The following APOD variants were observed in gnomAD, a reference collection of about 807,000 sequenced individuals.
APOD encodes the protein apolipoprotein D.
Under a neutral mutation model 20.4 loss-of-function variants are expected in APOD, and 22 were observed. That is an observed-to-expected ratio of 1.08 (90% confidence interval 0.77 to 1.54). The LOEUF is 1.54. APOD is among the 40% of genes most tolerant of loss of function. The pLI is 0.00. For synonymous variants in APOD, 97 were observed against 92.4 expected, an observed-to-expected ratio of 1.05 and a Z score of -0.29; for missense variants, 223 against 229.6, an observed-to-expected ratio of 0.97 and a Z score of 0.19.
Position 195,573,968 on chromosome 3 carries a change from G to A in APOD, c.127C>T (p.Leu43Phe). 1 of 1,614,030 alleles carries A rather than the reference G, an allele frequency of 6.2e-7. No homozygotes were observed. The highest frequency in any genetic ancestry group is 8.5e-7 in the Non-Finnish European group (1 of 1,179,942). Residue 43 changes from leucine (L) to phenylalanine (F), a missense_variant, in exon 3 of 5, where the codon CTC (leucine) becomes TTC (phenylalanine). Leu to Phe is a conservative substitution (Grantham distance 22, BLOSUM62 0). Coordinates refer to ENST00000343267, the MANE Select transcript of APOD (RefSeq NM_001647.4). ...TTCTCAATTTCGTACCATCTTCCGA[G>A]ATACTGCAGAGACAACAAGCAGAGC... The part of the protein sequence containing the change: ...VQENFDVNKY[L>F]GRWYEIEKIP...
Position 195,574,431 on chromosome 3 carries a change from G to T in APOD, c.124-460C>A, listed in dbSNP as rs116035391. Among the ~76,000 whole-genome samples the T allele has an allele frequency of 4.8e-3, 738 of 152,230 alleles. 8 individuals are homozygous for T. Among genetic ancestry groups the T allele is most frequent in the African/African-American group, 0.017 (707 of 41,538 alleles). On this transcript the variant is annotated intron_variant, in intron 2 of 4. Coordinates refer to ENST00000343267, the MANE Select transcript of APOD (RefSeq NM_001647.4). ...TGGAGAGGTGGTGGGGATTTGAAAG[G>T]TCTGTATCATGCTTTCTCTAGGGGC... is the stretch of plus-strand genomic sequence containing the variant.
intron 4 of APOD, 107 bp downstream of exon 4, chr3:195,571,170 A>G (rs1306190486): frequency 1.1e-5 from 10 of 931,504 alleles, no homozygotes; most frequent in Admixed American, 1.7e-5. Context: ...GTGCTGAGTG[A>G]TTATAGATGA....
chr3:195,572,779 AG>A (rs5855632), intron 3 of APOD, among the ~76,000 whole-genome samples: 1 of 151,938 alleles, frequency 6.6e-6, no homozygotes, highest in African/African-American at 2.4e-5. Flanking sequence ...TGGGAGGCCA[AG>A]GGGGGGCGGA....
rs532947188 is a variant in APOD, at chr3:195,568,909, C to T, written c.561G>A (p.Lys187=). The T allele has an allele frequency of 1.4e-4, 229 of 1,613,388 alleles. No individual in the cohort carries two copies. In the East Asian group the frequency reaches 5.0e-3, roughly 35 times the overall value. Residue 187 remains lysine, a synonymous_variant, in exon 5 of 5, where the codon AAG becomes AAA. Transcript: ENST00000343267. ...TCCCTGTAGAACCTGGTTACGAGAG[C>T]TTGGGGCAGTTCACCTGGTCTGTGA... is the stretch of plus-strand genomic sequence containing the variant. The part of the protein sequence containing the change: ...MTVTDQVNCP[K]LS
chr3:195,581,625 C>T (rs552669109), intron 1 of APOD, among the ~76,000 whole-genome samples: 2 of 152,308 alleles, frequency 1.3e-5, no homozygotes, highest in East Asian at 3.9e-4. Flanking sequence ...CCTCTCCTGT[C>T]TGCAGCACCC....
At position 195,576,955 on chromosome 3, in the gene APOD, C is replaced by T. The variant is rs547959866; in HGVS notation, c.123+2384G>A. 59 of 168,874 alleles carry T rather than the reference C, an allele frequency of 3.5e-4. 1 individual carries two copies. The highest frequency in any genetic ancestry group is 1.6e-3 in the Admixed American group (26 of 16,290). The allele number at this position is 168,874 out of a possible 1,614,324, so 10.5% of individuals were successfully genotyped here. ...ATCCTAGCACTATGGGAGGCCGAGG[C>T]GGATGGATTGCCTGAGCTCAGGAGT... On this transcript the variant is annotated intron_variant, in intron 2 of 4. Transcript: ENST00000343267.
In APOD at chr3:195,568,830, A is replaced by ATCGG; in HGVS notation, c.*69_*70insCCGA. On this transcript the variant is annotated 3_prime_UTR_variant, in exon 5 of 5. Transcript: ENST00000343267. ...TGTCGTGGTTGATTGGTTTGTCTTT[A>ATCGG]TGGGGGGGGGGTAGGGGAAAGCGAA... 1 of 862,532 alleles carries ATCGG rather than the reference A, an allele frequency of 1.2e-6. No individual in the cohort carries two copies. Among genetic ancestry groups the ATCGG allele is most frequent in the African/African-American group, 4.5e-5 (1 of 22,112 alleles). 53.4% of individuals were successfully genotyped at this position (862,532 alleles called of 1,614,324 possible).
intron 1 of APOD, among the ~76,000 whole-genome samples, chr3:195,579,750 T>A (rs992037511): frequency 5.9e-5 from 9 of 152,082 alleles, no homozygotes; most frequent in African/African-American, 2.2e-4. Flanking sequence ...TTTTCACCCC[T>A]GTCCCACCTA....
At chr3:195,573,710 G>A (rs575570961) in intron 3 of APOD, 140 bp downstream of exon 3, 58 of 1,132,724 alleles carry the variant, frequency 5.1e-5, no homozygotes, top group African/African-American at 3.1e-4. Context: ...CCTGCCAAAC[G>A]CTTTCCTCTC....
At chr3:195,569,521 C>T (rs182762003) in intron 4 of APOD, among the ~76,000 whole-genome samples, 12 of 152,294 alleles carry the variant, frequency 7.9e-5, no homozygotes, top group East Asian at 3.9e-4. Flanking sequence ...CTGCCAGCAG[C>T]GGCATCATGG....
chr3:195,573,042 G>A (rs750288422), intron 3 of APOD, among the ~76,000 whole-genome samples: 18 of 152,162 alleles, frequency 1.2e-4, no homozygotes, highest in Non-Finnish European at 2.2e-4. Flanking sequence ...CTGGATCTCA[G>A]ACAGCTGGGG....
At chr3:195,583,847 T>C (rs901188100) in intron 1 of APOD, 31 bp downstream of exon 1, 7 of 151,444 alleles carry the variant, frequency 4.6e-5, no homozygotes, top group African/African-American at 1.7e-4. Flanking sequence ...ATTATTATCA[T>C]AAATGAAAAG....
At chr3:195,578,798 A>C (rs1024385862) in intron 2 of APOD, among the ~76,000 whole-genome samples, 7 of 152,136 alleles carry the variant, frequency 4.6e-5, no homozygotes, top group African/African-American at 1.7e-4. Context: ...CCGATGCTGC[A>C]TCTGTAGAAC....
At chr3:195,581,903 G>A (rs189267838) in intron 1 of APOD, among the ~76,000 whole-genome samples, 19 of 152,290 alleles carry the variant, frequency 1.2e-4, no homozygotes, top group Admixed American at 6.5e-4. Flanking sequence ...TGCCAGGTGC[G>A]GTGGCTCAAG....
chr3:195,574,489 T>C (rs919094510), intron 2 of APOD, among the ~76,000 whole-genome samples: 1 of 152,176 alleles, frequency 6.6e-6, no homozygotes, highest in Non-Finnish European at 1.5e-5. Flanking sequence ...GTGTATACAG[T>C]TAGCTTTAAA....
rs754894451 is a variant in APOD, at chr3:195,573,831, G to T, written c.245+19C>A. On this transcript the variant is annotated intron_variant, in intron 3 of 4. Coordinates refer to ENST00000343267, the MANE Select transcript of APOD (RefSeq NM_001647.4). ...TCAGCACTCCGCAGGCCTGGCCCCG[G>T]ACGCCCACAGCCACTCACCTCAACT... The T allele has an allele frequency of 2.5e-6, 4 of 1,612,804 alleles. No homozygotes were observed. Among genetic ancestry groups the T allele is most frequent in the South Asian group, 2.2e-5 (2 of 90,888 alleles).
At chr3:195,573,277 A>G (rs1720196323) in intron 3 of APOD, among the ~76,000 whole-genome samples, 1 of 152,206 alleles carries the variant, frequency 6.6e-6, no homozygotes. Flanking sequence ...TTTTAAGTTT[A>G]TAGTTGCTTT....
At chr3:195,579,164 C>T (rs1255658331) in intron 2 of APOD, among the ~76,000 whole-genome samples, 175 bp downstream of exon 2, 1 of 152,240 alleles carries the variant, frequency 6.6e-6, no homozygotes, top group African/African-American at 2.4e-5. Context: ...TCATCCCAAA[C>T]CTCTCTGCCT....
chr3:195,571,483 C>T (rs1720158695), intron 3 of APOD, 118 bp from the exon 4 acceptor site: 2 of 839,720 alleles, frequency 2.4e-6, no homozygotes, highest in Non-Finnish European at 3.7e-6. Context: ...CCGTGGCAGC[C>T]AACACCGTGA....
Sources: allele counts gnomAD v4.1 joint callset (sites outside exome capture counted in the v4.1 genomes callset), GRCh38; gene constraint gnomAD v4.1.1; transcripts MANE v1.5; gene names NCBI Gene and HGNC (gene_info 2026-07-23, HGNC 2026-07-21).